Variants in PPFIA2 observed in about 807,000 individuals in gnomAD.
The protein encoded by PPFIA2 is PPFI scaffold protein A2.
Under a neutral mutation model 175.5 loss-of-function variants are expected in PPFIA2, and 46 were observed. The ratio of observed to expected loss-of-function variants is 0.26; its 90% CI spans 0.21 to 0.34. The LOEUF is 0.34. PPFIA2 is among the 10% of genes least tolerant of loss of function. PPFIA2 has a pLI of 1.00. For synonymous variants in PPFIA2, 568 were observed against 511.4 expected (o/e 1.11, Z -1.49); for missense variants, 1,179 against 1,506.1 (o/e 0.78, Z 3.60).
intron 4 of PPFIA2, among the ~76,000 whole-genome samples, chr12:81,524,835 C>A (rs1312414160): frequency 6.6e-6 from 1 of 152,132 alleles, no homozygotes; most frequent in Non-Finnish European, 1.5e-5. Context: ...AAGGTGATGG[C>A]ATTAAGAAAT....
At chr12:81,278,876 C>T (rs1348976924) in intron 27 of PPFIA2, among the ~76,000 whole-genome samples, 1 of 152,142 alleles carries the variant, frequency 6.6e-6, no homozygotes, top group Non-Finnish European at 1.5e-5. Context: ...GGCCAGATTA[C>T]ACTTACTTGC....
At chr12:81,705,816 T>C (rs1301529628) in intron 3 of PPFIA2, among the ~76,000 whole-genome samples, 1 of 152,156 alleles carries the variant, frequency 6.6e-6, no homozygotes, top group Non-Finnish European at 1.5e-5. Context: ...GAAAAATAGG[T>C]TCTCTTTTGT....
chr12:81,333,801 G>A (rs2056596644), intron 21 of PPFIA2, among the ~76,000 whole-genome samples: 1 of 152,246 alleles, frequency 6.6e-6, no homozygotes, highest in Admixed American at 6.5e-5. Context: ...AGATACCTGA[G>A]CTGTGGAAAC....
intron 4 of PPFIA2, chr12:81,512,416 CTAAAATGGAATTT>C: frequency 8.6e-7 from 1 of 1,169,412 alleles, no homozygotes; most frequent in Non-Finnish European, 1.1e-6. Flanking sequence ...TGGACCCAGC[CTAAAATGGAATTT>C]TTCTTTAATC....
chr12:81,741,583 G>T (rs921272481), intron 3 of PPFIA2, among the ~76,000 whole-genome samples: 1 of 151,460 alleles, frequency 6.6e-6, no homozygotes, highest in African/African-American at 2.4e-5. Context: ...TTTGAAGGCA[G>T]CCCAACATAA....
chr12:81,545,170 A>G (rs1215943732), intron 4 of PPFIA2, among the ~76,000 whole-genome samples: 1 of 152,206 alleles, frequency 6.6e-6, no homozygotes, highest in Non-Finnish European at 1.5e-5. Flanking sequence ...ACTAACTTAC[A>G]ATATACAAGT....
chr12:81,420,938 T>C (rs1018957198), intron 7 of PPFIA2, among the ~76,000 whole-genome samples: 2 of 151,850 alleles, frequency 1.3e-5, no homozygotes, highest in African/African-American at 4.8e-5. Context: ...ACTCATTATG[T>C]GAAAGAGAAT....
chr12:81,726,615 A>C (rs549122856), intron 3 of PPFIA2, among the ~76,000 whole-genome samples: 1 of 151,442 alleles, frequency 6.6e-6, no homozygotes, highest in African/African-American at 2.4e-5. Context: ...GTAAAACAGT[A>C]ATCACCTTCC....
chr12:81,442,845 CTTCATATATATATA>C (rs1566850145), intron 6 of PPFIA2, among the ~76,000 whole-genome samples: 2 of 51,524 alleles, frequency 3.9e-5, no homozygotes, highest in Non-Finnish European at 7.2e-5. Flanking sequence ...CTTTTTCTGA[CTTCATATATATATA>C]TATATATATA....
rs2035960354 is a variant in PPFIA2, at chr12:81,374,743, T to C, written c.1157A>G (p.Gln386Arg). 5 of 1,612,966 alleles carry C rather than the reference T, an allele frequency of 3.1e-6. No individual in the cohort carries two copies. Among genetic ancestry groups the C allele is most frequent in the Non-Finnish European group, 4.2e-6 (5 of 1,179,332 alleles). The change falls in exon 11 of 33, where the codon CAA becomes CGA. Residue 386 changes from glutamine (Q) to arginine (R), a missense_variant. Physicochemically the swap from Gln to Arg is conservative, Grantham distance 43 (BLOSUM62 1). Transcript: ENST00000549396. ...RQMEEKNRQL[Q>R]ERLELAEQKL... ...TTGTTCAGCTAGCTCAAGACGTTCT[T>C]GTAACTGTCTGTTTTTCTCTTCCAT...
chr12:81,498,822 A>G (rs2060290641), intron 4 of PPFIA2, among the ~76,000 whole-genome samples: 1 of 151,988 alleles, frequency 6.6e-6, no homozygotes, highest in Non-Finnish European at 1.5e-5. Context: ...ACGGGGTTTC[A>G]CTATGTTGGC....
chr12:81,329,466 C>G (rs1373049175), intron 21 of PPFIA2, among the ~76,000 whole-genome samples: 1 of 152,044 alleles, frequency 6.6e-6, no homozygotes, highest in Admixed American at 6.6e-5. Context: ...GTGACAGGCA[C>G]AGTCAAGGAT....
chr12:81,362,190 T>C (rs2030968118), intron 15 of PPFIA2, among the ~76,000 whole-genome samples: 1 of 150,722 alleles, frequency 6.6e-6, no homozygotes, highest in Non-Finnish European at 1.5e-5. Flanking sequence ...TTTTCCTCTT[T>C]TTTTTTTTTG....
chr12:81,587,039 G>T (rs1386124844), intron 4 of PPFIA2, among the ~76,000 whole-genome samples: 1 of 151,786 alleles, frequency 6.6e-6, no homozygotes, highest in African/African-American at 2.4e-5. Flanking sequence ...AATGGTTTAG[G>T]AAAGTAAAAA....
At position 81,273,891 on chromosome 12, in the gene PPFIA2, C is replaced by T. The variant is rs543097602; in HGVS notation, c.3310+3426G>A. ...TTTGCCTCTTTCTCCCCGCCCCCCC[C>T]CAAACCGGTCTGCAGCAAAGCAAAG... On this transcript the variant is annotated intron_variant, in intron 28 of 32. Coordinates refer to ENST00000549396, the MANE Select transcript of PPFIA2 (RefSeq NM_003625.5). Among the ~76,000 whole-genome samples the T allele has an allele frequency of 8.0e-5, 12 of 149,872 alleles. No individual in the cohort carries two copies. In the South Asian group the frequency reaches 1.7e-3, roughly 21 times the overall value.
intron 22 of PPFIA2, among the ~76,000 whole-genome samples, chr12:81,319,620 TA>T (rs1427269752): frequency 2.6e-5 from 4 of 151,862 alleles, no homozygotes; most frequent in Non-Finnish European, 5.9e-5. Context: ...AACCCTCGAC[TA>T]AAATAAACAA....
chr12:81,494,780 C>T (rs972557461), intron 4 of PPFIA2, among the ~76,000 whole-genome samples: 6 of 151,556 alleles, frequency 4.0e-5, no homozygotes, highest in Non-Finnish European at 8.8e-5. Flanking sequence ...AAGGATGAGT[C>T]CATGTCCTTT....
rs978031239 is a variant in PPFIA2, at chr12:81,367,024, A to G, written c.1545+84T>C. ...GATAGCATACTAAAATTATTTTTTC[A>G]AATTTATTTTACAACAAAACATTCA... is the stretch of plus-strand genomic sequence containing the variant. On this transcript the variant is annotated intron_variant, in intron 14 of 32. Coordinates refer to ENST00000549396, the MANE Select transcript of PPFIA2 (RefSeq NM_003625.5). The G allele has an allele frequency of 4.5e-6, 6 of 1,330,324 alleles. No individual in the cohort carries two copies. The African/African-American group carries it at 4.6e-5, about 10-fold the overall frequency. 82.4% of individuals were successfully genotyped at this position (1,330,324 alleles called of 1,614,324 possible). A position where few individuals can be genotyped will look rare whatever the true frequency, so the allele number is the denominator to read the frequency against.
chr12:81,747,461 C>A (rs1189731909), intron 3 of PPFIA2, among the ~76,000 whole-genome samples: 1 of 143,748 alleles, frequency 7.0e-6, no homozygotes, highest in East Asian at 2.1e-4. Context: ...ATTTTTAATG[C>A]TCTCAATTTG....
Sources: gnomAD v4.1 joint callset for allele counts (sites outside exome capture counted in the v4.1 genomes callset) on GRCh38, gnomAD v4.1.1 for gene constraint, MANE v1.5 for transcripts, NCBI Gene and HGNC (gene_info 2026-07-23, HGNC 2026-07-21) for gene names.